Variants in SLC24A2 observed in about 807,000 individuals in gnomAD.
SLC24A2 encodes the protein sodium/potassium/calcium exchanger 2.
A neutral mutation model predicts 62.0 loss-of-function variants in SLC24A2; 36 were observed. That is an observed-to-expected ratio of 0.58 (90% CI 0.44 to 0.77). The LOEUF is 0.77. Among genes scored for constraint, SLC24A2 ranks in the 30% least tolerant of loss-of-function variants. The pLI, the probability that SLC24A2 is intolerant of heterozygous loss-of-function variation, is 0.00. For synonymous variants in SLC24A2, 358 were observed against 294.0 expected, an observed-to-expected ratio of 1.22 and a Z score of -2.23; for missense variants, 846 against 817.9, an observed-to-expected ratio of 1.03 and a Z score of -0.42.
At chr9:19,950,990 G>C in the SLC24A2 span, among the ~76,000 whole-genome samples, 6 of 152,120 alleles carry the variant, frequency 3.9e-5, no homozygotes, top group Non-Finnish European at 8.8e-5. Flanking sequence ...GACATCAAAG[G>C]TTCTACCAAC....
At chr9:19,993,673 C>T in the SLC24A2 span, among the ~76,000 whole-genome samples, 35,626 of 152,112 alleles carry the variant, frequency 0.23, 5,147 homozygotes, top group East Asian at 0.41. Flanking sequence ...AGAGCCCACA[C>T]AGAGTTCTAC....
the SLC24A2 span, among the ~76,000 whole-genome samples, chr9:20,110,098 T>C: frequency 6.6e-6 from 1 of 152,134 alleles, no homozygotes. Context: ...AGAAATCTAG[T>C]ACTACTCACT....
the SLC24A2 span, among the ~76,000 whole-genome samples, chr9:20,126,580 C>T: frequency 1.3e-5 from 2 of 152,128 alleles, no homozygotes; most frequent in South Asian, 2.1e-4. Flanking sequence ...CACAATTGAA[C>T]ATATTTTTCT....
chr9:20,092,438 T>G, the SLC24A2 span, among the ~76,000 whole-genome samples: 1 of 150,026 alleles, frequency 6.7e-6, no homozygotes, highest in Non-Finnish European at 1.5e-5. Flanking sequence ...ATGGGATTTA[T>G]GCATAGACTT....
At chr9:20,097,026 C>A in the SLC24A2 span, among the ~76,000 whole-genome samples, 1 of 152,222 alleles carries the variant, frequency 6.6e-6, no homozygotes, top group Non-Finnish European at 1.5e-5. Flanking sequence ...TTCCCTACAA[C>A]CTGATTTTCA....
the SLC24A2 span, among the ~76,000 whole-genome samples, chr9:19,814,620 T>C: frequency 6.6e-6 from 1 of 152,140 alleles, no homozygotes; most frequent in East Asian, 1.9e-4. Context: ...AAAACCAGTG[T>C]CTAGGGCCAT....
the SLC24A2 span, among the ~76,000 whole-genome samples, chr9:20,267,324 T>C: frequency 6.6e-6 from 1 of 152,074 alleles, no homozygotes; most frequent in African/African-American, 2.4e-5. Flanking sequence ...TTTGTCCAGG[T>C]CTCCTGGTAA....
At chr9:20,243,731 T>C in the SLC24A2 span, among the ~76,000 whole-genome samples, 1 of 152,106 alleles carries the variant, frequency 6.6e-6, no homozygotes, top group Non-Finnish European at 1.5e-5. Flanking sequence ...GCAGAGCAAA[T>C]GAGATGTGGT....
the SLC24A2 span, among the ~76,000 whole-genome samples, chr9:19,876,824 G>T: frequency 6.6e-6 from 1 of 151,850 alleles, no homozygotes; most frequent in Non-Finnish European, 1.5e-5. Context: ...CCATATTTGT[G>T]GTTCACCAAA....
the SLC24A2 span, among the ~76,000 whole-genome samples, chr9:20,215,955 A>G: frequency 3.9e-5 from 6 of 152,216 alleles, no homozygotes; most frequent in Non-Finnish European, 7.3e-5. Context: ...CAAGTCTGTG[A>G]TGTTCCCAAT....
At chr9:20,290,382 G>C in the SLC24A2 span, among the ~76,000 whole-genome samples, 3 of 152,242 alleles carry the variant, frequency 2.0e-5, no homozygotes, top group African/African-American at 7.2e-5. Context: ...TTTCTTGTCA[G>C]TTGTTTCAAA....
the SLC24A2 span, among the ~76,000 whole-genome samples, chr9:19,817,244 T>A: frequency 6.6e-6 from 1 of 151,914 alleles, no homozygotes; most frequent in Non-Finnish European, 1.5e-5. Context: ...TCAAAAGAAA[T>A]GGAAGAAGCA....
At chr9:20,234,221 C>G in the SLC24A2 span, among the ~76,000 whole-genome samples, 2 of 152,010 alleles carry the variant, frequency 1.3e-5, no homozygotes, top group Non-Finnish European at 2.9e-5. Context: ...TTGCTCTTCT[C>G]GAGGAGTATC....
At chr9:19,890,281 G>C in the SLC24A2 span, among the ~76,000 whole-genome samples, 2 of 152,138 alleles carry the variant, frequency 1.3e-5, no homozygotes, top group African/African-American at 4.8e-5. Flanking sequence ...TATTCTATTA[G>C]AAACAAGTCA....
the SLC24A2 span, among the ~76,000 whole-genome samples, chr9:19,815,029 T>C: frequency 6.6e-6 from 1 of 152,166 alleles, no homozygotes; most frequent in Non-Finnish European, 1.5e-5. Context: ...GTCTGCAATT[T>C]GGGATTTATG....
intron 2 of SLC24A2, among the ~76,000 whole-genome samples, chr9:19,704,076 C>CA (rs1487965243): frequency 1.3e-5 from 2 of 152,036 alleles, no homozygotes; most frequent in East Asian, 1.9e-4. Context: ...GTGCAATCTC[C>CA]AAAAAAGATT....
chr9:20,192,462 G>A, the SLC24A2 span, among the ~76,000 whole-genome samples: 4 of 152,254 alleles, frequency 2.6e-5, no homozygotes, highest in South Asian at 8.3e-4. Context: ...GATACATCTT[G>A]TAGAGGAGGA....
chr9:20,106,044 C>A, the SLC24A2 span, among the ~76,000 whole-genome samples: 1 of 152,200 alleles, frequency 6.6e-6, no homozygotes, highest in East Asian at 1.9e-4. Flanking sequence ...GAAATACAAA[C>A]TACCATCAGA....
At chr9:19,636,315 T>TTTTCTTTTCCTTTCTTTCTTTC in intron 2 of SLC24A2, among the ~76,000 whole-genome samples, 4 of 40,320 alleles carry the variant, frequency 9.9e-5, no homozygotes, top group South Asian at 9.6e-4. Flanking sequence ...TTTTCTTTTC[T>TTTTCTTTTCCTTTCTTTCTTTC]TTTCTTTCTT....
Sources: gnomAD v4.1 joint callset for allele counts (sites outside exome capture counted in the v4.1 genomes callset) on GRCh38, gnomAD v4.1.1 for gene constraint, MANE v1.5 for transcripts, NCBI Gene and HGNC (gene_info 2026-07-23, HGNC 2026-07-21) for gene names.